Variants in GLRX3 observed in about 807,000 individuals in gnomAD.
GLRX3 encodes the protein glutaredoxin-3.
Under a neutral mutation model 49.5 loss-of-function variants are expected in GLRX3, and 22 were observed. That is an observed-to-expected ratio of 0.44 (90% CI 0.32 to 0.63). The LOEUF is 0.63. GLRX3 is among the 30% of genes least tolerant of loss of function. The probability of loss-of-function intolerance (pLI) is 0.05; values close to 1 mark genes in which losing one functional copy is unlikely to be tolerated. For synonymous variants in GLRX3, 133 were observed against 140.0 expected (o/e 0.95, Z 0.35); for missense variants, 385 against 396.3 (o/e 0.97, Z 0.24).
chr10:130,139,943 G>C (rs1862142712), intron 1 of GLRX3, among the ~76,000 whole-genome samples: 2 of 152,022 alleles, frequency 1.3e-5, no homozygotes, highest in Non-Finnish European at 2.9e-5. Flanking sequence ...AACAAAAAGT[G>C]CCCGAATTTT....
At chr10:130,148,033 A>C (rs1862300491) in intron 2 of GLRX3, among the ~76,000 whole-genome samples, 1 of 152,178 alleles carries the variant, frequency 6.6e-6, no homozygotes, top group South Asian at 2.1e-4. Flanking sequence ...AAAAAGGAGG[A>C]ATGTAGTTCA....
Position 130,169,422 on chromosome 10 carries a change from T to G in GLRX3, c.714-11T>G, listed in dbSNP as rs1425376246. The G allele has an allele frequency of 6.3e-7, 1 of 1,593,996 alleles. No individual in the cohort carries two copies. Among genetic ancestry groups the G allele is most frequent in the Non-Finnish European group, 8.6e-7 (1 of 1,161,778 alleles). The stretch of plus-strand genomic sequence containing the variant: ...GAGCTGAGCCGTTTTATATCAATTT[T>G]CTCTCTTTAGGCTCAAAGTGCTGAC... On this transcript the variant is annotated splice_polypyrimidine_tract_variant and intron_variant, in intron 6 of 10. Transcript: ENST00000331244.
At chr10:130,144,465 C>T (rs984119789) in intron 1 of GLRX3, among the ~76,000 whole-genome samples, 1 of 152,042 alleles carries the variant, frequency 6.6e-6, no homozygotes, top group Non-Finnish European at 1.5e-5. Flanking sequence ...CCTTGCCCCC[C>T]ACCCCCTGAC....
chr10:130,155,435 T>C (rs2134893197), intron 2 of GLRX3, among the ~76,000 whole-genome samples: 1 of 152,286 alleles, frequency 6.6e-6, no homozygotes, highest in East Asian at 1.9e-4. Context: ...GTTAGGAGGC[T>C]CCTAGGCCAG....
chr10:130,152,500 G>A (rs1862396722), intron 2 of GLRX3, among the ~76,000 whole-genome samples: 1 of 152,190 alleles, frequency 6.6e-6, no homozygotes, highest in Admixed American at 6.5e-5. Context: ...AGGCAGGCCT[G>A]GTGGTGACAG....
At chr10:130,151,802 C>A (rs1190997110) in intron 2 of GLRX3, among the ~76,000 whole-genome samples, 1 of 152,126 alleles carries the variant, frequency 6.6e-6, no homozygotes, top group Non-Finnish European at 1.5e-5. Flanking sequence ...TTATCAGAGA[C>A]CAGGATTGCA....
chr10:130,171,203 G>C (rs1290542177), intron 7 of GLRX3, among the ~76,000 whole-genome samples: 3 of 152,108 alleles, frequency 2.0e-5, no homozygotes, highest in African/African-American at 7.2e-5. Flanking sequence ...GAAAATAATT[G>C]TCATAATCAT....
chr10:130,143,805 C>A (rs1236664166), intron 1 of GLRX3, among the ~76,000 whole-genome samples: 1 of 151,610 alleles, frequency 6.6e-6, no homozygotes, highest in Non-Finnish European at 1.5e-5. Flanking sequence ...TCAAACAATT[C>A]TTCTGCCTCA....
Position 130,160,950 on chromosome 10 carries a change from C to T in GLRX3, c.431C>T (p.Ala144Val). 1 of 1,613,342 alleles carries T rather than the reference C, an allele frequency of 6.2e-7. No homozygotes were observed. The highest frequency in any genetic ancestry group is 8.5e-7 in the Non-Finnish European group (1 of 1,179,500). Residue 144 changes from alanine (A) to valine (V), a missense_variant, in exon 4 of 11, where the codon GCC becomes GTC. Physicochemically the swap from Ala to Val is moderately conservative, Grantham distance 64. Transcript: ENST00000331244. Reference sequence around the variant, plus strand: ...CGCTTGAAGAAATTGACTCATGCTGCCCCCTGCATGCTGTTTATGAAAGGA... The same window carrying T: ...CGCTTGAAGAAATTGACTCATGCTGTCCCCTGCATGCTGTTTATGAAAGGA... ...NLRLKKLTHA[A>V]PCMLFMKGTP... is the part of the protein sequence containing the mutation.
At chr10:130,150,397 C>T (rs996771412) in intron 2 of GLRX3, among the ~76,000 whole-genome samples, 7 of 152,304 alleles carry the variant, frequency 4.6e-5, no homozygotes, top group Middle Eastern at 3.4e-3. Context: ...TCATGTACTT[C>T]AGTGCAAACA....
chr10:130,160,896 A>C lies in GLRX3; in HGVS notation c.377A>C (p.Asn126Thr), dbSNP rs752612871. Reference protein sequence around the residue: ...ASSGSFLPSANEHLKEDLNLR... With the variant: ...ASSGSFLPSATEHLKEDLNLR... ...AGTGGCTCCTTCCTACCCAGCGCTA[A>C]TGAACATCTTAAAGAAGATCTCAAC... The change falls in exon 4 of 11, where the codon AAT (asparagine) becomes ACT (threonine). Residue 126 changes from asparagine to threonine, a missense_variant. Asn to Thr is a moderately conservative substitution (Grantham distance 65). This residue lies in a region of GLRX3 where 374 missense variants were observed against 358.6 expected (regional missense o/e 1.04). Coordinates refer to ENST00000331244, the MANE Select transcript of GLRX3 (RefSeq NM_006541.5). 1 of 1,612,788 alleles carries C rather than the reference A, an allele frequency of 6.2e-7. No homozygotes were observed. The highest frequency in any genetic ancestry group is 8.5e-7 in the Non-Finnish European group (1 of 1,178,712).
intron 2 of GLRX3, among the ~76,000 whole-genome samples, chr10:130,149,545 A>C (rs1564989639): frequency 6.6e-6 from 1 of 152,044 alleles, no homozygotes; most frequent in African/African-American, 2.4e-5. Context: ...TTCAAATTAC[A>C]TAGTCAGTAT....
intron 2 of GLRX3, among the ~76,000 whole-genome samples, chr10:130,148,763 G>A (rs1230402129): frequency 6.6e-6 from 1 of 151,874 alleles, no homozygotes; most frequent in Non-Finnish European, 1.5e-5. Context: ...TGATGATATG[G>A]TCGTAAAGTG....
intron 2 of GLRX3, among the ~76,000 whole-genome samples, chr10:130,150,954 G>A (rs1315165735): frequency 6.8e-6 from 1 of 147,548 alleles, no homozygotes; most frequent in Non-Finnish European, 1.5e-5. Context: ...TTGAGACAGA[G>A]TCTCACTGTG....
intron 2 of GLRX3, among the ~76,000 whole-genome samples, chr10:130,158,607 CAG>C (rs1355376024): frequency 1.3e-5 from 2 of 152,130 alleles, no homozygotes; most frequent in Non-Finnish European, 2.9e-5. Context: ...AGTTGAAAGA[CAG>C]AAAATAATGA....
chr10:130,137,649 A>G (rs1439860845), intron 1 of GLRX3, among the ~76,000 whole-genome samples: 1 of 152,238 alleles, frequency 6.6e-6, no homozygotes, highest in Non-Finnish European at 1.5e-5. Flanking sequence ...TACAATGCCT[A>G]GTATGCAGGA....
chr10:130,160,058 C>T lies in GLRX3; in HGVS notation c.265C>T (p.Leu89=). The T allele has an allele frequency of 3.1e-6, 5 of 1,593,846 alleles. No individual in the cohort carries two copies. Among genetic ancestry groups the T allele is most frequent in the Non-Finnish European group, 4.3e-6 (5 of 1,161,672 alleles). The change falls in exon 3 of 11, where the codon CTG becomes TTG. Residue 89 remains leucine, a synonymous_variant. Coordinates refer to ENST00000331244, the MANE Select transcript of GLRX3 (RefSeq NM_006541.5). ...TGAAATTAGCTCTGTTCCCACTTTT[C>T]TGTTTTTCAAGGTAAGGATAAAGGT... ...KYEISSVPTF[L]FFKNSQKIDR...
chr10:130,139,270 G>T (rs796929201), intron 1 of GLRX3, among the ~76,000 whole-genome samples: 1 of 152,216 alleles, frequency 6.6e-6, no homozygotes, highest in Admixed American at 6.5e-5. Flanking sequence ...TAGTTCAAAC[G>T]GACACGTGAT....
At chr10:130,176,892 C>T (rs1043963456) in intron 10 of GLRX3, among the ~76,000 whole-genome samples, 3 of 151,836 alleles carry the variant, frequency 2.0e-5, no homozygotes, top group Non-Finnish European at 2.9e-5. Context: ...ATAGCCTGTA[C>T]CTTAGCCATT....
Sources: gnomAD v4.1 joint callset for allele counts (sites outside exome capture counted in the v4.1 genomes callset) on GRCh38, gnomAD v4.1.1 for gene constraint, gnomAD v4.1.1 regional missense constraint, MANE v1.5 for transcripts, NCBI Gene and HGNC (gene_info 2026-07-23, HGNC 2026-07-21) for gene names.